ARHGAP29: variants seen among roughly 807,000 people sequenced by gnomAD.
The protein encoded by ARHGAP29 is rho GTPase-activating protein 29.
Under a neutral mutation model 122.6 loss-of-function variants are expected in ARHGAP29, and 43 were observed. That is an observed-to-expected ratio of 0.35 (90% CI 0.27 to 0.45). The LOEUF (loss-of-function observed/expected upper bound fraction) is 0.45, where lower values mean the gene tolerates loss of function less well. Among genes scored for constraint, ARHGAP29 ranks in the 20% least tolerant of loss-of-function variants. The probability of loss-of-function intolerance (pLI) is 1.00; values close to 1 mark genes in which losing one functional copy is unlikely to be tolerated. For missense variants in ARHGAP29, 1,303 were observed against 1,477.2 expected (o/e 0.88, Z 1.93); for synonymous variants, 506 against 497.1 (o/e 1.02, Z -0.24).
intron 1 of ARHGAP29, chr1:94,249,535 G>A (rs1353902318): frequency 6.6e-6 from 1 of 152,210 alleles, no homozygotes; most frequent in African/African-American, 2.4e-5. Flanking sequence ...TGGATCACTT[G>A]AGGTCGGGAG....
chr1:94,210,787 C>CG (rs2101546684), intron 3 of ARHGAP29, among the ~76,000 whole-genome samples: 1 of 152,030 alleles, frequency 6.6e-6, no homozygotes, highest in South Asian at 2.1e-4. Context: ...CCTGTAATCC[C>CG]GGGGCTTTGG....
rs1388917954 is a variant in ARHGAP29 at position 94,172,771 on chromosome 1, A to C, written c.*1098T>G. 1 of 152,518 alleles carries C rather than the reference A, an allele frequency of 6.6e-6. No homozygotes were observed. 9.4% of individuals were successfully genotyped at this position (152,518 alleles called of 1,614,324 possible). ...ACCCAGAAAATAACAGGAATGTACT[A>C]GTCCTAAAAACTGGACCTTTTATAA... On this transcript the variant is annotated 3_prime_UTR_variant, in exon 23 of 23. Transcript: ENST00000260526.
At chr1:94,235,210 T>G (rs906623805) in intron 1 of ARHGAP29, among the ~76,000 whole-genome samples, 1 of 152,094 alleles carries the variant, frequency 6.6e-6, no homozygotes, top group African/African-American at 2.4e-5. Flanking sequence ...ACATTACAAT[T>G]GAAAAAACGT....
the ARHGAP29 span, among the ~76,000 whole-genome samples, chr1:94,294,577 C>T: frequency 1.3e-5 from 2 of 152,328 alleles, no homozygotes; most frequent in South Asian, 2.1e-4. Flanking sequence ...TGAGCTACCA[C>T]ACCTGGCCAG....
At chr1:94,196,927 G>A (rs1440689368) in intron 12 of ARHGAP29, among the ~76,000 whole-genome samples, 1 of 152,058 alleles carries the variant, frequency 6.6e-6, no homozygotes, top group African/African-American at 2.4e-5. Flanking sequence ...TATCAGAAAA[G>A]CACAGGAAGG....
the ARHGAP29 span, among the ~76,000 whole-genome samples, chr1:94,283,144 T>A: frequency 1.3e-5 from 2 of 152,160 alleles, no homozygotes; most frequent in Admixed American, 1.3e-4. Flanking sequence ...TGTAAGATTT[T>A]TTATTGAGTA....
intron 2 of ARHGAP29, 64 bp from the exon 3 acceptor site, chr1:94,220,456 C>T (rs931547535): frequency 9.1e-5 from 127 of 1,398,464 alleles, no homozygotes; most frequent in Non-Finnish European, 1.1e-4. Context: ...AACTACAAAA[C>T]GTCATCTGAA....
chr1:94,175,710 GTT>G (rs1649053210), intron 22 of ARHGAP29, among the ~76,000 whole-genome samples: 1 of 151,796 alleles, frequency 6.6e-6, no homozygotes, highest in Non-Finnish European at 1.5e-5. Context: ...GTTTTGTTTT[GTT>G]TTTGTTTTTT....
At chr1:94,308,819 A>C in the ARHGAP29 span, among the ~76,000 whole-genome samples, 2 of 152,114 alleles carry the variant, frequency 1.3e-5, no homozygotes, top group Non-Finnish European at 2.9e-5. Flanking sequence ...AAGAGAGGGG[A>C]GTCAGTGCTC....
At chr1:94,262,918 G>A (rs367954817) in intron 1 of ARHGAP29, among the ~76,000 whole-genome samples, 7 of 152,006 alleles carry the variant, frequency 4.6e-5, no homozygotes, top group African/African-American at 1.4e-4. Context: ...AATATAAATC[G>A]TTCTACCATA....
upstream of ARHGAP29, among the ~76,000 whole-genome samples, chr1:94,239,589 A>G (rs1333066823): frequency 1.3e-5 from 2 of 152,094 alleles, no homozygotes; most frequent in Non-Finnish European, 2.9e-5. Flanking sequence ...ACAAGAGGGA[A>G]AGAAGAAAGA....
In ARHGAP29 at chr1:94,189,493, C is replaced by T. The variant is rs1482778944; in HGVS notation, c.1440-141G>A. On this transcript the variant is annotated intron_variant, in intron 13 of 22. Coordinates refer to ENST00000260526, the MANE Select transcript of ARHGAP29 (RefSeq NM_004815.4). ...CTAAATATTAAAAACAAACCACACT[C>T]ATGGTTCAGCTTCTTATAGGAGATG... 15 of 1,020,888 alleles carry T rather than the reference C, an allele frequency of 1.5e-5. 1 individual carries two copies. The Admixed American group carries it at 3.5e-4, about 24-fold the overall frequency. The allele number at this position is 1,020,888 out of a possible 1,614,324, so 63.2% of individuals were successfully genotyped here.
intron 3 of ARHGAP29, among the ~76,000 whole-genome samples, chr1:94,217,012 T>C (rs977671133): frequency 6.6e-6 from 1 of 152,174 alleles, no homozygotes; most frequent in Non-Finnish European, 1.5e-5. Context: ...ATAAAAAATA[T>C]GGGTAAAGAT....
chr1:94,256,622 A>C (rs1172385848), intron 1 of ARHGAP29, among the ~76,000 whole-genome samples: 2 of 118,432 alleles, frequency 1.7e-5, no homozygotes, highest in Non-Finnish European at 3.2e-5. Context: ...CAGTGGCGCG[A>C]TTCTCGGCTC....
chr1:94,311,182 C>G, the ARHGAP29 span, among the ~76,000 whole-genome samples: 4 of 152,164 alleles, frequency 2.6e-5, no homozygotes, highest in Admixed American at 6.5e-5. Context: ...AAGCTTGGGT[C>G]TGGATGGGTA....
chr1:94,197,464 C>T (rs2101478106), intron 12 of ARHGAP29, among the ~76,000 whole-genome samples: 1 of 152,196 alleles, frequency 6.6e-6, no homozygotes, highest in Non-Finnish European at 1.5e-5. Flanking sequence ...AAATTTGAAA[C>T]AATCTTTTCC....
the ARHGAP29 span, among the ~76,000 whole-genome samples, chr1:94,283,343 C>A: frequency 6.6e-6 from 1 of 152,124 alleles, no homozygotes; most frequent in Admixed American, 6.5e-5. Flanking sequence ...GCTCACAGGG[C>A]TGCTGAGTGG....
At chr1:94,238,124 G>A (rs145671411), upstream of ARHGAP29, among the ~76,000 whole-genome samples, 2,675 of 134,856 alleles carry the variant, frequency 0.02, 35 homozygotes, top group Middle Eastern at 0.027. Flanking sequence ...CTAATGGCGT[G>A]ATCTCGGCTC....
At chr1:94,231,694 C>A in intron 1 of ARHGAP29, 51 bp from the exon 2 acceptor site, 1 of 1,363,170 alleles carries the variant, frequency 7.3e-7, no homozygotes, top group Non-Finnish European at 1.0e-6. Context: ...GAGAAAGAAA[C>A]ACAAAAACTA....
Sources: allele counts gnomAD v4.1 joint callset (sites outside exome capture counted in the v4.1 genomes callset), GRCh38; gene constraint gnomAD v4.1.1; transcripts MANE v1.5; gene names NCBI Gene and HGNC (gene_info 2026-07-23, HGNC 2026-07-21).